ZNF215: variants seen among roughly 807,000 people sequenced by gnomAD.
ZNF215 encodes BWSCR2-associated zinc finger protein 2.
Under a neutral mutation model 27.2 loss-of-function variants are expected in ZNF215, and 24 were observed. The ratio of observed to expected loss-of-function variants is 0.88; its 90% CI spans 0.64 to 1.24. The LOEUF (loss-of-function observed/expected upper bound fraction) is 1.24, where lower values mean the gene tolerates loss of function less well. Ranked by LOEUF, ZNF215 falls within the 50% of genes most tolerant of loss-of-function variation. The probability of loss-of-function intolerance (pLI) is 0.00; values close to 1 mark genes in which losing one functional copy is unlikely to be tolerated. For synonymous variants in ZNF215, 210 were observed against 204.0 expected, an observed-to-expected ratio of 1.03 and a Z score of -0.25; for missense variants, 675 against 605.7, an observed-to-expected ratio of 1.11 and a Z score of -1.20.
intron 1 of ZNF215, among the ~76,000 whole-genome samples, chr11:6,927,265 T>C (rs1428116471): frequency 6.6e-6 from 1 of 152,218 alleles, no homozygotes; most frequent in African/African-American, 2.4e-5. Context: ...ATCGTACTTA[T>C]TTTAAAATAA....
intron 2 of ZNF215, 66 bp downstream of exon 2, chr11:6,927,873 T>C (rs980782477): frequency 2.0e-5 from 3 of 152,252 alleles, no homozygotes; most frequent in Non-Finnish European, 2.9e-5. Context: ...GCTTTTTTTT[T>C]ATTTCCTGAG....
Position 6,951,841 on chromosome 11 carries a change from G to T in ZNF215, c.713-3849G>T, listed in dbSNP as rs539821474. 9.2e-5 allele frequency among the ~76,000 whole-genome samples: 14 copies of T among 152,104 alleles called. No homozygotes were observed. The East Asian group carries it at 2.7e-3, about 29-fold the overall frequency. On this transcript the variant is annotated intron_variant, in intron 6 of 6. Transcript: ENST00000278319. ...TTGTGATGTTAGGGTGTCAATTTTG[G>T]ATCTTTCCTGCTTTCTCTTGTGGGC...
chr11:6,987,166 T>A (rs1268681797), downstream of ZNF215, among the ~76,000 whole-genome samples: 8 of 152,198 alleles, frequency 5.3e-5, no homozygotes, highest in Non-Finnish European at 7.4e-5. Flanking sequence ...ATGTGGTACA[T>A]ATATTCCAAG....
rs1201429261 is a variant in ZNF215 at position 6,956,537 on chromosome 11, G to A, written c.*6G>A. On this transcript the variant is annotated 3_prime_UTR_variant, in exon 7 of 7. Transcript: ENST00000278319. ...ATACTCGAGATAAGTCCTGAAAAAA[G>A]AAAAAATGAAAGATTACCTTCAGTC... 1.3e-6 allele frequency: 2 copies of A among 1,548,160 alleles called. No individual in the cohort carries two copies. Among genetic ancestry groups the A allele is most frequent in the Admixed American group, 2.2e-5 (1 of 46,016 alleles).
At chr11:6,978,244 CT>C (rs962300249) in intron 5 of ZNF215, among the ~76,000 whole-genome samples, 59 of 152,052 alleles carry the variant, frequency 3.9e-4, no homozygotes, top group African/African-American at 1.3e-3. Context: ...GAATGTGCCC[CT>C]ATACATGCAA....
rs535838893 is a variant in ZNF215 at position 6,954,844 on chromosome 11, G to A, written c.713-846G>A. Among the ~76,000 whole-genome samples the A allele has an allele frequency of 1.1e-4, 16 of 152,302 alleles. No homozygotes were observed. The South Asian group carries it at 2.9e-3, about 28-fold the overall frequency. On this transcript the variant is annotated intron_variant, in intron 6 of 6. Transcript: ENST00000278319. ...TTCTGCGTCACTCACGCTGGGAGCT[G>A]TAGACCGGAGCTGTTCCTATTCGGC...
At chr11:6,948,969 A>G (rs1024711206) in intron 6 of ZNF215, among the ~76,000 whole-genome samples, 6 of 142,150 alleles carry the variant, frequency 4.2e-5, no homozygotes, top group African/African-American at 1.0e-4. Context: ...TCATTGTTCA[A>G]TTCCCACCTA....
intron 2 of ZNF215, among the ~76,000 whole-genome samples, chr11:6,928,546 T>A (rs1029156812): frequency 4.6e-5 from 7 of 152,210 alleles, no homozygotes; most frequent in Non-Finnish European, 7.3e-5. Context: ...TGGTATTTTT[T>A]AAAAATTCTT....
rs1198506655 is a variant in ZNF215, at chr11:6,950,335, T to G, written c.713-5355T>G. On this transcript the variant is annotated intron_variant, in intron 6 of 6. Transcript: ENST00000278319. ...AATTACCTTGGGCAGTATGGCCATT[T>G]TCACGATATTGATTCTTCCTACCCA... Among the ~76,000 whole-genome samples the G allele has an allele frequency of 2.1e-4, 31 of 150,128 alleles. 1 individual carries two copies. Among genetic ancestry groups the G allele is most frequent in the Admixed American group, 4.0e-4 (6 of 15,098 alleles).
At chr11:6,980,010 C>T (rs75289102) in intron 5 of ZNF215, among the ~76,000 whole-genome samples, 3,202 of 152,196 alleles carry the variant, frequency 0.021, 119 homozygotes, top group African/African-American at 0.073. Context: ...TACACATGCA[C>T]ATGCGTGCAA....
chr11:6,932,129 A>C lies in ZNF215; in HGVS notation c.-144A>C. The C allele has an allele frequency of 1.9e-6, 2 of 1,031,106 alleles. No individual in the cohort carries two copies. 63.9% of individuals were successfully genotyped at this position (1,031,106 alleles called of 1,614,324 possible). A position where few individuals can be genotyped will look rare whatever the true frequency, so the allele number is the denominator to read the frequency against. On this transcript the variant is annotated 5_prime_UTR_variant, in exon 3 of 7. Transcript: ENST00000278319. ...ACCTGAATATTGGCTTTGTGTCTAAAGTTTCTGGAACTTTCCTCCTTACCG... is the reference window on the plus strand; with the variant it reads ...ACCTGAATATTGGCTTTGTGTCTAACGTTTCTGGAACTTTCCTCCTTACCG...
At chr11:6,936,402 C>T (rs894446885) in intron 3 of ZNF215, among the ~76,000 whole-genome samples, 1 of 151,998 alleles carries the variant, frequency 6.6e-6, no homozygotes, top group African/African-American at 2.4e-5. Flanking sequence ...ATGAAATTCA[C>T]AAATTCCAAA....
At chr11:6,986,378 T>G (rs904346972), downstream of ZNF215, among the ~76,000 whole-genome samples, 3 of 151,920 alleles carry the variant, frequency 2.0e-5, no homozygotes, top group African/African-American at 7.3e-5. Flanking sequence ...CAAAACTAAC[T>G]CAAGATGTAT....
intron 2 of ZNF215, among the ~76,000 whole-genome samples, chr11:6,930,892 A>C (rs577104841): frequency 2.0e-5 from 3 of 152,234 alleles, no homozygotes; most frequent in Non-Finnish European, 2.9e-5. Context: ...ATGTAGTCTC[A>C]TTTATATATT....
chr11:6,960,149 T>G (rs1194483474), downstream of ZNF215, among the ~76,000 whole-genome samples: 1 of 152,032 alleles, frequency 6.6e-6, no homozygotes, highest in Admixed American at 6.6e-5. Flanking sequence ...AGACAACATA[T>G]AAAAGGAATA....
At chr11:6,979,358 G>A (rs1850902039) in intron 5 of ZNF215, among the ~76,000 whole-genome samples, 1 of 151,794 alleles carries the variant, frequency 6.6e-6, no homozygotes, top group African/African-American at 2.4e-5. Flanking sequence ...TGGTATATTA[G>A]AACAAGCTGA....
chr11:6,942,474 C>T (rs1441144178), intron 4 of ZNF215, among the ~76,000 whole-genome samples: 1 of 152,068 alleles, frequency 6.6e-6, no homozygotes, highest in Non-Finnish European at 1.5e-5. Context: ...CGTATACAGG[C>T]AAATACAAGC....
intron 5 of ZNF215, among the ~76,000 whole-genome samples, chr11:6,973,149 T>C (rs567327603): frequency 1.6e-3 from 243 of 152,290 alleles, no homozygotes; most frequent in African/African-American, 5.7e-3. Flanking sequence ...ATGCAGTGTT[T>C]GGTTTTCTGT....
At chr11:6,950,104 G>A (rs1316131402) in intron 6 of ZNF215, among the ~76,000 whole-genome samples, 1 of 151,564 alleles carries the variant, frequency 6.6e-6, no homozygotes, top group Non-Finnish European at 1.5e-5. Flanking sequence ...CTCTGTTTTG[G>A]TACCAGTATC....
Sources: allele counts gnomAD v4.1 joint callset (sites outside exome capture counted in the v4.1 genomes callset), GRCh38; gene constraint gnomAD v4.1.1; transcripts MANE v1.5; gene names NCBI Gene and HGNC (gene_info 2026-07-23, HGNC 2026-07-21).